The following SLC24A3 variants were observed in gnomAD, a reference collection of about 807,000 sequenced individuals.
SLC24A3 encodes solute carrier family 24 member 3.
In SLC24A3, 28 loss-of-function variants were observed where a neutral mutation model predicts 75.8. That is an observed-to-expected ratio of 0.37 (90% confidence interval 0.27 to 0.51). The LOEUF (loss-of-function observed/expected upper bound fraction) is 0.51, where lower values mean the gene tolerates loss of function less well. Ranked by LOEUF, SLC24A3 falls within the 20% of genes least tolerant of loss-of-function variation. SLC24A3 has a pLI of 0.94. For synonymous variants in SLC24A3, 372 were observed against 334.1 expected (o/e 1.11, Z -1.24); for missense variants, 663 against 847.8 (o/e 0.78, Z 2.71).
Position 19,346,093 on chromosome 20 carries a change from A to ATATATGGTGTGTGTGTGTGTGTG in SLC24A3, c.271+65011_271+65012insGGTGTGTGTGTGTGTGTGTATAT, listed in dbSNP as rs1600440242. The stretch of plus-strand genomic sequence containing the variant: ...TATATATATATATATATATATATAT[A>ATATATGGTGTGTGTGTGTGTGTG]TATATATATATATATGGTGTGTGTG... On this transcript the variant is annotated intron_variant, in intron 2 of 16. Transcript: ENST00000328041. 2.8e-5 allele frequency among the ~76,000 whole-genome samples: 2 copies of ATATATGGTGTGTGTGTGTGTGTG among 72,160 alleles called. 1 individual carries two copies. The highest frequency in any genetic ancestry group is 2.4e-4 in the African/African-American group (2 of 8,362). 47.3% of individuals were successfully genotyped at this position (72,160 alleles called of 152,430 possible).
chr20:19,565,761 G>A (rs749934164), intron 3 of SLC24A3, among the ~76,000 whole-genome samples: 34 of 152,162 alleles, frequency 2.2e-4, no homozygotes, highest in Middle Eastern at 3.2e-3. Context: ...GACCAGACAG[G>A]TAGGGAATTC....
chr20:19,680,730 C>T (rs1336534619), intron 9 of SLC24A3, among the ~76,000 whole-genome samples: 1 of 152,238 alleles, frequency 6.6e-6, no homozygotes, highest in Non-Finnish European at 1.5e-5. Context: ...CTCTTCGTCT[C>T]TCTGAGGTCT....
intron 2 of SLC24A3, among the ~76,000 whole-genome samples, chr20:19,423,302 C>T (rs560277511): frequency 4.5e-4 from 68 of 152,336 alleles, no homozygotes; most frequent in African/African-American, 1.0e-3. Flanking sequence ...GCTTTTCCTG[C>T]TTTCCCGCTC....
chr20:19,694,575 T>C (rs1389925214), intron 13 of SLC24A3: 1 of 152,168 alleles, frequency 6.6e-6, no homozygotes, highest in African/African-American at 2.4e-5. Context: ...ATCTGACATA[T>C]GCACCAAGAG....
In SLC24A3 at chr20:19,707,623, AAG is replaced by A. The variant is rs71812768; in HGVS notation, c.1719+8947_1719+8948del. Among the ~76,000 whole-genome samples the A allele has an allele frequency of 5.0e-3, 763 of 152,350 alleles. 8 individuals carry two copies. The highest frequency in any genetic ancestry group is 0.018 in the African/African-American group (736 of 41,574). On this transcript the variant is annotated intron_variant, in intron 15 of 16. Transcript: ENST00000328041. The stretch of plus-strand genomic sequence containing the variant: ...GACAGGTCAAGGAGCTGATGACAAA[AAG>A]AGATTCTTTTTAAGGAAGAATTAAT...
At chr20:19,242,522 A>G (rs1036016959) in intron 1 of SLC24A3, 2 of 152,164 alleles carry the variant, frequency 1.3e-5, no homozygotes, top group Non-Finnish European at 2.9e-5. Flanking sequence ...TGTAATCTGA[A>G]AGTACAGGGC....
intron 1 of SLC24A3, among the ~76,000 whole-genome samples, chr20:19,223,215 C>T (rs1981778944): frequency 6.6e-6 from 1 of 152,092 alleles, no homozygotes; most frequent in Non-Finnish European, 1.5e-5. Context: ...TCATTTGAAC[C>T]CAGGATGTGG....
chr20:19,363,873 G>A (rs896309021), intron 2 of SLC24A3, among the ~76,000 whole-genome samples: 3 of 152,168 alleles, frequency 2.0e-5, no homozygotes, highest in Non-Finnish European at 4.4e-5. Context: ...GGGCCATTGG[G>A]TCCAATTGCA....
chr20:19,482,205 C>A (rs1988066963), intron 2 of SLC24A3, among the ~76,000 whole-genome samples: 1 of 152,222 alleles, frequency 6.6e-6, no homozygotes, highest in Admixed American at 6.5e-5. Flanking sequence ...CCTGATCCTC[C>A]CAGCCCACCT....
chr20:19,567,058 T>C (rs1413826307), intron 3 of SLC24A3, among the ~76,000 whole-genome samples: 2 of 152,224 alleles, frequency 1.3e-5, no homozygotes, highest in African/African-American at 2.4e-5. Flanking sequence ...ACATTGCTGC[T>C]GGGAATGTAA....
chr20:19,697,408 C>A lies in SLC24A3; in HGVS notation c.1606+497C>A, dbSNP rs75795487. 6.2e-3 allele frequency: 973 copies of A among 156,184 alleles called. 11 individuals carry two copies. Among genetic ancestry groups the A allele is most frequent in the African/African-American group, 0.023 (937 of 41,598 alleles). The allele number at this position is 156,184 out of a possible 1,614,324, so 9.7% of individuals were successfully genotyped here. A position where few individuals can be genotyped will look rare whatever the true frequency, so the allele number is the denominator to read the frequency against. ...GCTCTGTGAAATAAGCACAATCATACCCCCATTTTATGGACAAGAAAATTG... is the reference window on the plus strand; with the variant it reads ...GCTCTGTGAAATAAGCACAATCATAACCCCATTTTATGGACAAGAAAATTG... On this transcript the variant is annotated intron_variant, in intron 14 of 16. Coordinates refer to ENST00000328041, the MANE Select transcript of SLC24A3 (RefSeq NM_020689.4).
intron 12 of SLC24A3, among the ~76,000 whole-genome samples, chr20:19,686,851 C>T (rs1267804004): frequency 6.6e-6 from 1 of 152,196 alleles, no homozygotes; most frequent in East Asian, 1.9e-4. Context: ...TAAATCATTA[C>T]TTGTTAGTAC....
At chr20:19,265,036 C>T (rs1399793578) in intron 1 of SLC24A3, among the ~76,000 whole-genome samples, 2 of 152,240 alleles carry the variant, frequency 1.3e-5, no homozygotes, top group East Asian at 3.8e-4. Flanking sequence ...GTCCTTGTCT[C>T]AGACTTGGCT....
intron 2 of SLC24A3, among the ~76,000 whole-genome samples, chr20:19,316,823 T>C (rs1181370240): frequency 6.6e-6 from 1 of 152,236 alleles, no homozygotes; most frequent in African/African-American, 2.4e-5. Flanking sequence ...TTGATTTCTT[T>C]TTTTAAAAAT....
At chr20:19,342,790 G>A (rs534571902) in intron 2 of SLC24A3, among the ~76,000 whole-genome samples, 8 of 152,272 alleles carry the variant, frequency 5.3e-5, no homozygotes, top group South Asian at 2.1e-4. Context: ...AGGCAGAAGC[G>A]CCGGGCACGG....
intron 3 of SLC24A3, among the ~76,000 whole-genome samples, chr20:19,560,708 A>G (rs2030861046): frequency 6.6e-6 from 1 of 152,210 alleles, no homozygotes; most frequent in Non-Finnish European, 1.5e-5. Context: ...CCATTAAATA[A>G]TGCTTTCTTT....
chr20:19,672,938 C>G (rs1320084278), intron 8 of SLC24A3, among the ~76,000 whole-genome samples: 1 of 152,208 alleles, frequency 6.6e-6, no homozygotes, highest in African/African-American at 2.4e-5. Flanking sequence ...TGATTTGATT[C>G]TGTAGCTAAA....
intron 2 of SLC24A3, among the ~76,000 whole-genome samples, chr20:19,485,646 AC>A (rs769552785): frequency 3.0e-4 from 45 of 152,238 alleles, no homozygotes; most frequent in Middle Eastern, 3.4e-3. Flanking sequence ...ACATACATAC[AC>A]TTTTTTAGAG....
intron 3 of SLC24A3, among the ~76,000 whole-genome samples, chr20:19,567,758 A>G (rs1430267317): frequency 6.6e-6 from 1 of 152,212 alleles, no homozygotes; most frequent in Non-Finnish European, 1.5e-5. Context: ...TCACACACAC[A>G]TTAGAGTGGC....
Sources: gnomAD v4.1 joint callset for allele counts (sites outside exome capture counted in the v4.1 genomes callset) on GRCh38, gnomAD v4.1.1 for gene constraint, MANE v1.5 for transcripts, NCBI Gene and HGNC (gene_info 2026-07-23, HGNC 2026-07-21) for gene names.